OFD1: variants seen among roughly 807,000 people sequenced by gnomAD.
OFD1 encodes the protein OFD1 centriole and centriolar satellite protein.
In OFD1, 12 loss-of-function variants were observed where a neutral mutation model predicts 81.4. The observed-to-expected ratio is 0.15, with a 90% CI of 0.09 to 0.24. OFD1 has a LOEUF of 0.24. Among genes scored for constraint, OFD1 ranks in the 10% least tolerant of loss-of-function variants. The pLI, the probability that OFD1 is intolerant of heterozygous loss-of-function variation, is 1.00. For synonymous variants in OFD1, 256 were observed against 263.7 expected, an observed-to-expected ratio of 0.97 and a Z score of 0.28; for missense variants, 685 against 733.9, an observed-to-expected ratio of 0.93 and a Z score of 0.77.
At chrX:13,760,975 T>C (rs2047905662) in intron 16 of OFD1, 110 bp from the exon 17 acceptor site, 1 of 992,445 alleles carries the variant, frequency 1.0e-6, no homozygotes, top group Non-Finnish European at 1.4e-6. Flanking sequence ...AATTGGCTAT[T>C]TGTGAGGATA....
chrX:13,724,400 T>TAAAA, the OFD1 span, among the ~76,000 whole-genome samples: 12 of 82,326 alleles, frequency 1.5e-4, no homozygotes, highest in African/African-American at 4.5e-4. Context: ...AATATATATT[T>TAAAA]AAAAAAAAAA....
chrX:13,768,624 AATTAC>A, intron 21 of OFD1, 89 bp from the exon 22 acceptor site: 1 of 708,495 alleles, frequency 1.4e-6, no homozygotes. Flanking sequence ...TAGACTTTTA[AATTAC>A]ATATATATTT....
At chrX:13,750,920 A>G (rs2047478444) in intron 9 of OFD1, among the ~76,000 whole-genome samples, 1 of 112,732 alleles carries the variant, frequency 8.9e-6, no homozygotes, top group Non-Finnish European at 1.9e-5. Flanking sequence ...GTAACTAATA[A>G]TATCATTATT....
At chrX:13,763,957 G>A in intron 19 of OFD1, 102 bp downstream of exon 19, 1 of 636,607 alleles carries the variant, frequency 1.6e-6, no homozygotes, top group South Asian at 2.2e-5. Flanking sequence ...CATCTTGTAG[G>A]TGTAAATTAG....
chrX:13,716,944 ATC>A, the OFD1 span, among the ~76,000 whole-genome samples: 1 of 108,057 alleles, frequency 9.3e-6, no homozygotes, highest in South Asian at 4.1e-4. Flanking sequence ...TTTATTGAAA[ATC>A]TTTTTCATAT....
chrX:13,772,923 A>C, downstream of OFD1: 1 of 1,210,611 alleles, frequency 8.3e-7, no homozygotes, highest in East Asian at 3.0e-5. Flanking sequence ...GAGACTGGAT[A>C]TCTTGCAGTT....
In OFD1 at chrX:13,769,119, T is replaced by C. The variant is rs374627987; in HGVS notation, c.*11T>C. 2.6e-6 allele frequency: 3 copies of C among 1,176,310 alleles called. No individual in the cohort carries two copies. The African/African-American group carries it at 5.3e-5, about 21-fold the overall frequency. On this transcript the variant is annotated 3_prime_UTR_variant, in exon 23 of 23. Coordinates refer to ENST00000340096, the MANE Select transcript of OFD1 (RefSeq NM_003611.3). ...GACGACTCTTGGTAACCATGTTTGCTGCCCAGCTTCTAACTTACATACCGT... is the reference window on the plus strand; with the variant it reads ...GACGACTCTTGGTAACCATGTTTGCCGCCCAGCTTCTAACTTACATACCGT...
At chrX:13,748,215 A>G (rs995216521) in intron 8 of OFD1, among the ~76,000 whole-genome samples, 2 of 112,415 alleles carry the variant, frequency 1.8e-5, no homozygotes, top group African/African-American at 6.5e-5. Context: ...TAGACTAATA[A>G]CTTCAACCTT....
chrX:13,740,877 G>A (rs896650350), intron 5 of OFD1, among the ~76,000 whole-genome samples: 5 of 110,615 alleles, frequency 4.5e-5, no homozygotes, highest in African/African-American at 1.3e-4. Context: ...AGTGGCTCAC[G>A]CCTGTAATCC....
intron 17 of OFD1, among the ~76,000 whole-genome samples, chrX:13,761,521 T>TA (rs1423814789): frequency 8.9e-6 from 1 of 112,314 alleles, no homozygotes; most frequent in Non-Finnish European, 1.9e-5. Flanking sequence ...TTTATTAAGA[T>TA]AAAAAACAAA....
chrX:13,745,109 G>A (rs2047242116), intron 6 of OFD1, among the ~76,000 whole-genome samples: 1 of 112,051 alleles, frequency 8.9e-6, no homozygotes, highest in South Asian at 3.7e-4. Context: ...TATGCTTAAT[G>A]GATTTCTTGG....
chrX:13,772,161 A>C (rs1602955423), downstream of OFD1: 5 of 112,907 alleles, frequency 4.4e-5, 1 homozygote, highest in Admixed American at 4.7e-4. Context: ...AAATTGGATC[A>C]GTATTTTGTT....
chrX:13,736,809 G>A, intron 3 of OFD1, 131 bp downstream of exon 3: 1 of 488,655 alleles, frequency 2.0e-6, no homozygotes, highest in Non-Finnish European at 3.6e-6. Flanking sequence ...AATTCACATT[G>A]TACCTGCACA....
At position 13,768,776 on chromosome X, in the gene OFD1, A is replaced by G. The variant is rs777790587; in HGVS notation, c.2987A>G (p.Lys996Arg). 2.5e-6 allele frequency: 3 copies of G among 1,204,205 alleles called. No individual in the cohort carries two copies. Among genetic ancestry groups the G allele is most frequent in the Non-Finnish European group, 3.4e-6 (3 of 888,617 alleles). The part of the protein sequence containing the change: ...SLVDTLQSSD[K>R]VESLTGFSHE... ...GTGGACACGCTGCAATCTAGTGACAAAGTCGAAAGGTACCTGTTTTCCCTA... is the reference window on the plus strand; with the variant it reads ...GTGGACACGCTGCAATCTAGTGACAGAGTCGAAAGGTACCTGTTTTCCCTA... The change falls in exon 22 of 23, where the codon AAA becomes AGA. Residue 996 changes from lysine to arginine, a missense_variant. Physicochemically the swap from Lys to Arg is conservative, Grantham distance 26. Transcript: ENST00000340096.
Position 13,763,835 on chromosome X carries a change from C to G in OFD1, c.2579C>G (p.Pro860Arg). The change falls in exon 19 of 23, where the codon CCC becomes CGC. Residue 860 changes from proline to arginine, a missense_variant. Coordinates refer to ENST00000340096, the MANE Select transcript of OFD1 (RefSeq NM_003611.3). Reference sequence around the variant, plus strand: ...GTGGACGCTGCTGCAGCTGCTGTGCCCCTCTCATATCAGCACCCAAGTAAG... The same window carrying G: ...GTGGACGCTGCTGCAGCTGCTGTGCGCCTCTCATATCAGCACCCAAGTAAG... ...SHVDAAAAAV[P>R]LSYQHPSVDQ... 1 of 1,207,737 alleles carries G rather than the reference C, an allele frequency of 8.3e-7. No individual in the cohort carries two copies. The highest frequency in any genetic ancestry group is 1.7e-5 in the African/African-American group (1 of 57,647).
At chrX:13,719,837 A>G in the OFD1 span, 1 of 971,684 alleles carries the variant, frequency 1.0e-6, no homozygotes, top group Non-Finnish European at 1.4e-6. Context: ...ATATTATACC[A>G]TATCATTACA....
At chrX:13,745,611 A>G (rs1031080570) in intron 6 of OFD1, among the ~76,000 whole-genome samples, 3 of 111,863 alleles carry the variant, frequency 2.7e-5, no homozygotes, top group Non-Finnish European at 5.6e-5. Flanking sequence ...GATAAACACT[A>G]TCGATGTTTT....
Position 13,768,269 on chromosome X carries a change from A to G in OFD1, c.2928+45A>G, listed in dbSNP as rs758031897. On this transcript the variant is annotated intron_variant, in intron 21 of 22. Coordinates refer to ENST00000340096, the MANE Select transcript of OFD1 (RefSeq NM_003611.3). The stretch of plus-strand genomic sequence containing the variant: ...GGCAATCTGTGGGTGGGGGACATCC[A>G]GGGCTTCCGTGGCTTAACTTCTTGG... The G allele has an allele frequency of 3.9e-6, 4 of 1,014,279 alleles. No individual in the cohort carries two copies. In the South Asian group the frequency reaches 7.6e-5, roughly 19 times the overall value. The allele number at this position is 1,014,279 out of a possible 1,213,427, so 83.6% of individuals were successfully genotyped here.
At chrX:13,759,936 C>CT (rs1455694387) in intron 15 of OFD1, among the ~76,000 whole-genome samples, 179 bp from the exon 16 acceptor site, 5 of 112,454 alleles carry the variant, frequency 4.4e-5, no homozygotes, top group African/African-American at 1.6e-4. Context: ...AAAGCTGTAG[C>CT]TGGTACAATA....
Sources: allele counts gnomAD v4.1 joint callset (sites outside exome capture counted in the v4.1 genomes callset), GRCh38; gene constraint gnomAD v4.1.1; transcripts MANE v1.5; gene names NCBI Gene and HGNC (gene_info 2026-07-23, HGNC 2026-07-21).